Variants in MGAM observed in about 807,000 individuals in gnomAD.
MGAM encodes maltase-glucoamylase.
Under a neutral mutation model 358.8 loss-of-function variants are expected in MGAM, and 253 were observed. That is an observed-to-expected ratio of 0.71 (90% CI 0.64 to 0.78). The LOEUF is 0.78. Among genes scored for constraint, MGAM ranks in the 30% least tolerant of loss-of-function variants. The pLI is 0.00. For synonymous variants in MGAM, 1,105 were observed against 1,227.1 expected, an observed-to-expected ratio of 0.90 and a Z score of 2.08; for missense variants, 3,080 against 3,432.6, an observed-to-expected ratio of 0.90 and a Z score of 2.57.
At chr7:142,040,454 G>C (rs187073913) in intron 20 of MGAM, 63 of 581,854 alleles carry the variant, frequency 1.1e-4, no homozygotes, top group Admixed American at 1.9e-4. Context: ...ATGTGAGCTT[G>C]GTCAGGAATC....
Position 142,034,348 on chromosome 7 carries a change from T to C in MGAM, c.1756T>C (p.Tyr586His). ...WGKQYDIHNL[Y>H]GYSMAVATAE... ...CAAGCAGTATGACATTCACAATCTGTATGGCTACTCCATGGCGGTCGCCAC... is the reference window on the plus strand; with the variant it reads ...CAAGCAGTATGACATTCACAATCTGCATGGCTACTCCATGGCGGTCGCCAC... Residue 586 changes from tyrosine (Y) to histidine (H), a missense_variant, in exon 15 of 71, where the codon TAT (tyrosine) becomes CAT (histidine). Transcript: ENST00000475668. 1 of 1,593,024 alleles carries C rather than the reference T, an allele frequency of 6.3e-7. No homozygotes were observed. Among genetic ancestry groups the C allele is most frequent in the Non-Finnish European group, 8.6e-7 (1 of 1,169,278 alleles).
intron 9 of MGAM, 44 bp from the exon 10 acceptor site, chr7:142,027,566 A>C (rs1229391784): frequency 6.2e-7 from 1 of 1,606,318 alleles, no homozygotes; most frequent in African/African-American, 1.3e-5. Flanking sequence ...ATTTTTATTA[A>C]AAACAGAGTA....
chr7:142,021,113 T>G (rs1806415297), intron 5 of MGAM, 30 bp downstream of exon 5: 1 of 1,504,392 alleles, frequency 6.6e-7, no homozygotes, highest in Non-Finnish European at 9.1e-7. Context: ...TTTTTAAGTT[T>G]TTTTGAGAGA....
chr7:142,085,794 T>G lies in MGAM; in HGVS notation c.6508-39T>G. The stretch of plus-strand genomic sequence containing the variant: ...TGTTCTCCTATAAAGCTTGGGCGTG[T>G]ACAGCAGCAGCCTCTCAGCTCCCCA... On this transcript the variant is annotated intron_variant, in intron 54 of 70. Transcript: ENST00000475668. The G allele has an allele frequency of 1.3e-6, 2 of 1,554,158 alleles. 1 individual carries two copies. Among genetic ancestry groups the G allele is most frequent in the South Asian group, 2.3e-5 (2 of 88,194 alleles).
chr7:142,048,958 C>T (rs564037665), intron 22 of MGAM, among the ~76,000 whole-genome samples: 20 of 152,138 alleles, frequency 1.3e-4, no homozygotes, highest in Non-Finnish European at 2.9e-4. Context: ...GACTGGATCC[C>T]CAGAACCTAT....
intron 2 of MGAM, among the ~76,000 whole-genome samples, chr7:141,988,109 G>A (rs988676305): frequency 1.4e-4 from 21 of 151,870 alleles, no homozygotes; most frequent in African/African-American, 5.1e-4. Flanking sequence ...CCAACATGGT[G>A]AAACACCATA....
At chr7:142,073,890 G>A (rs1266101943) in intron 44 of MGAM, among the ~76,000 whole-genome samples, 195 bp from the exon 45 acceptor site, 2 of 146,214 alleles carry the variant, frequency 1.4e-5, no homozygotes, top group Admixed American at 1.4e-4. Context: ...GTTAATGTTT[G>A]GGGTGTTTCT....
Position 142,030,407 on chromosome 7 carries a change from T to A in MGAM, c.1267T>A (p.Phe423Ile). 1 of 1,613,458 alleles carries A rather than the reference T, an allele frequency of 6.2e-7. No individual in the cohort carries two copies. Among genetic ancestry groups the A allele is most frequent in the Non-Finnish European group, 8.5e-7 (1 of 1,179,606 alleles). ...DIDYMDERRD[F>I]TYDSVDFKGF... is the part of the protein sequence containing the mutation. ...TGATTATATGGATGAGAGAAGGGAC[T>A]TCACTTATGATTCAGTGGATTTTAA... Residue 423 changes from phenylalanine (F) to isoleucine (I), a missense_variant, in exon 11 of 71, where the codon TTC becomes ATC. This residue lies in a region of MGAM where 1,816 missense variants were observed against 1,840.5 expected (regional missense o/e 0.99). Coordinates refer to ENST00000475668, the MANE Select transcript of MGAM (RefSeq NM_001365693.1).
At chr7:142,065,689 G>C (rs765989168) in intron 39 of MGAM, 26 bp from the exon 40 acceptor site, 3 of 1,608,306 alleles carry the variant, frequency 1.9e-6, no homozygotes, top group East Asian at 2.2e-5. Flanking sequence ...TCATCAGCAG[G>C]CTCCTTTTAT....
chr7:142,047,681 C>T, intron 21 of MGAM, 104 bp from the exon 22 acceptor site: 5 of 1,047,824 alleles, frequency 4.8e-6, no homozygotes, highest in Non-Finnish European at 7.2e-6. Context: ...GAACCATCTG[C>T]TGCTAGTAAC....
chr7:142,031,969 T>C (rs144285599), intron 13 of MGAM, among the ~76,000 whole-genome samples, 176 bp downstream of exon 13: 1 of 151,936 alleles, frequency 6.6e-6, no homozygotes, highest in African/African-American at 2.4e-5. Context: ...ACACATAGCT[T>C]AGAATAAAAA....
intron 47 of MGAM, among the ~76,000 whole-genome samples, 188 bp downstream of exon 47, chr7:142,077,014 T>C (rs539902258): frequency 6.9e-6 from 1 of 145,148 alleles, no homozygotes; most frequent in African/African-American, 2.4e-5. Flanking sequence ...TAGAATGAGT[T>C]GGGTATTTTT....
intron 7 of MGAM, among the ~76,000 whole-genome samples, chr7:142,022,811 A>ATT (rs1806589614): frequency 6.6e-6 from 1 of 152,204 alleles, no homozygotes; most frequent in African/African-American, 2.4e-5. Flanking sequence ...ACAACAGTTG[A>ATT]TTGTGATCTC....
chr7:142,088,996 GTATCTATC>G (rs71166560), intron 57 of MGAM, among the ~76,000 whole-genome samples: 27,519 of 117,856 alleles, frequency 0.23, 5,705 homozygotes, highest in Middle Eastern at 0.34. Flanking sequence ...ATGTATGTAT[GTATCTATC>G]TATCTATCTA....
In MGAM at chr7:142,036,825, C is replaced by T. The variant is rs1808034076; in HGVS notation, c.2079C>T (p.Asp693=). The T allele has an allele frequency of 6.2e-7, 1 of 1,613,206 alleles. No individual in the cohort carries two copies. The highest frequency in any genetic ancestry group is 8.5e-7 in the Non-Finnish European group (1 of 1,179,426). The change falls in exon 18 of 71, where the codon GAC becomes GAT. Residue 693 remains aspartate, a splice_region_variant and synonymous_variant. Transcript: ENST00000475668. ...SRNHNGQGYK[D]QDPASFGADS... ...TGCAAACTCCTATTTCCTCCCAGGACCAGGATCCTGCCTCCTTTGGAGCTG... is the reference window on the plus strand; with the variant it reads ...TGCAAACTCCTATTTCCTCCCAGGATCAGGATCCTGCCTCCTTTGGAGCTG...
At chr7:142,101,925 G>T (rs898822581) in intron 68 of MGAM, among the ~76,000 whole-genome samples, 1 of 148,966 alleles carries the variant, frequency 6.7e-6, no homozygotes, top group African/African-American at 2.5e-5. Flanking sequence ...AAAAAAGAAA[G>T]AAAGAAAGAA....
intron 3 of MGAM, among the ~76,000 whole-genome samples, chr7:142,018,386 G>A (rs545226254): frequency 2.5e-4 from 38 of 152,312 alleles, no homozygotes; most frequent in Admixed American, 3.9e-4. Flanking sequence ...CAACAGAGAA[G>A]GTGAAAGAGA....
chr7:142,035,593 T>C (rs557116585), intron 16 of MGAM, among the ~76,000 whole-genome samples: 2 of 152,280 alleles, frequency 1.3e-5, no homozygotes, highest in South Asian at 4.1e-4. Flanking sequence ...GGGGGGAAGT[T>C]CATTTTAACA....
At chr7:142,027,498 G>T in intron 9 of MGAM, 112 bp from the exon 10 acceptor site, 1 of 1,167,840 alleles carries the variant, frequency 8.6e-7, no homozygotes, top group East Asian at 2.5e-5. Flanking sequence ...TAACATTAAT[G>T]AATCAGTGCA....
Sources: allele counts gnomAD v4.1 joint callset (sites outside exome capture counted in the v4.1 genomes callset), GRCh38; gene constraint gnomAD v4.1.1; regional missense constraint gnomAD v4.1.1; transcripts MANE v1.5; gene names NCBI Gene and HGNC (gene_info 2026-07-23, HGNC 2026-07-21).